The following POC5 variants were observed in gnomAD, a reference collection of about 807,000 sequenced individuals.
The protein encoded by POC5 is POC5 centriolar protein, also known as centrosomal protein POC5.
In POC5, 48 loss-of-function variants were observed where a neutral mutation model predicts 62.9. The ratio of observed to expected loss-of-function variants is 0.76; its 90% confidence interval spans 0.61 to 0.97. The LOEUF (loss-of-function observed/expected upper bound fraction) is 0.97. Among genes scored for constraint, POC5 ranks in the 50% least tolerant of loss-of-function variants. The pLI is 0.00. For synonymous variants in POC5, 236 were observed against 228.2 expected (o/e 1.03, Z -0.31); for missense variants, 696 against 679.5 (o/e 1.02, Z -0.27).
Position 75,685,429 on chromosome 5 carries a change from T to C in POC5, c.1185A>G (p.Lys395=). Residue 395 remains lysine, a synonymous_variant, in exon 10 of 12, where the codon AAA becomes AAG. Coordinates refer to ENST00000428202, the MANE Select transcript of POC5 (RefSeq NM_001099271.2). ...AAGGATCCAAATGAGCAGAATGTTC[T>C]TTTCCTTGAACACCAGGACCATACT... ...KEEYGPGVQG[K]EHSAHLDPSA... is the part of the protein sequence containing the mutation. 3 of 1,613,792 alleles carry C rather than the reference T, an allele frequency of 1.9e-6. No individual in the cohort carries two copies. The highest frequency in any genetic ancestry group is 2.2e-5 in the East Asian group (1 of 44,864).
At chr5:75,681,851 T>G (rs945169852) in intron 10 of POC5, among the ~76,000 whole-genome samples, 3 of 152,188 alleles carry the variant, frequency 2.0e-5, no homozygotes, top group African/African-American at 7.2e-5. Context: ...AATCTCTCTC[T>G]TCTTTTCCTA....
chr5:75,702,547 A>G, intron 5 of POC5, 58 bp downstream of exon 5: 2 of 1,477,644 alleles, frequency 1.4e-6, no homozygotes, highest in Non-Finnish European at 1.8e-6. Flanking sequence ...TATAAATGAG[A>G]GTAAAACTAT....
At chr5:75,687,145 C>T (rs1380777821) in intron 9 of POC5, among the ~76,000 whole-genome samples, 1 of 152,092 alleles carries the variant, frequency 6.6e-6, no homozygotes, top group African/African-American at 2.4e-5. Flanking sequence ...ATTCTTCTGC[C>T]TCAGCCTCCT....
intron 5 of POC5, 145 bp from the exon 6 acceptor site, chr5:75,694,976 A>C: frequency 1.7e-6 from 1 of 597,726 alleles, no homozygotes; most frequent in East Asian, 3.1e-5. Flanking sequence ...TTAATGAAAA[A>C]CATATGTAAG....
chr5:75,690,314 A>T, intron 8 of POC5, 69 bp downstream of exon 8: 1 of 1,357,632 alleles, frequency 7.4e-7, no homozygotes, highest in Non-Finnish European at 9.9e-7. Context: ...GAAGTCTATT[A>T]ATTAATAGTG....
chr5:75,706,242 A>C (rs1580056479), intron 3 of POC5, among the ~76,000 whole-genome samples: 2 of 152,208 alleles, frequency 1.3e-5, no homozygotes, highest in South Asian at 4.1e-4. Context: ...GGAAACTGGG[A>C]AAAACCTCTC....
rs1393849630 is a variant in POC5, at chr5:75,694,777, G to A, written c.568C>T (p.Arg190Ter). ...KWRLNFIDWH[R>*]MEMRKEKEKH... ...TCTTTCTCTTTTCTCATTTCCATTC[G>A]GTGCCAGTCAATAAAATTAAGTCTC... The change falls in exon 6 of 12, where the codon CGA (arginine) becomes TGA (stop). Residue 190 changes from arginine to a stop codon, truncating the protein, a stop_gained. Transcript: ENST00000428202. LOFTEE classifies it high-confidence loss of function. 5.1e-6 allele frequency: 8 copies of A among 1,578,732 alleles called. No individual in the cohort carries two copies. The highest frequency in any genetic ancestry group is 1.4e-5 in the African/African-American group (1 of 73,816).
chr5:75,687,314 G>T (rs1258121855), intron 9 of POC5, among the ~76,000 whole-genome samples: 2 of 152,172 alleles, frequency 1.3e-5, no homozygotes, highest in African/African-American at 4.8e-5. Context: ...ACAGGTGTGA[G>T]CGACCGCGCC....
At chr5:75,707,021 G>A (rs888283166) in intron 3 of POC5, among the ~76,000 whole-genome samples, 8 of 152,196 alleles carry the variant, frequency 5.3e-5, no homozygotes, top group Non-Finnish European at 1.2e-4. Flanking sequence ...TATGTCATGC[G>A]CCTTCAAGGA....
intron 10 of POC5, among the ~76,000 whole-genome samples, chr5:75,678,801 A>G (rs1408650095): frequency 6.6e-6 from 1 of 152,190 alleles, no homozygotes; most frequent in Non-Finnish European, 1.5e-5. Context: ...AAAAAGTATT[A>G]TCAGCTTTTA....
intron 8 of POC5, among the ~76,000 whole-genome samples, 161 bp downstream of exon 8, chr5:75,690,222 G>C (rs751351705): frequency 6.6e-6 from 1 of 152,128 alleles, no homozygotes; most frequent in Non-Finnish European, 1.5e-5. Flanking sequence ...AACCATGTAA[G>C]AATATACAAT....
rs67570751 is a variant in POC5, at chr5:75,678,609, C to CTT, written c.1408-661_1408-660dup. 1.8e-4 allele frequency among the ~76,000 whole-genome samples: 27 copies of CTT among 151,786 alleles called. No homozygotes were observed. In the South Asian group the frequency reaches 4.8e-3, roughly 27 times the overall value. The stretch of plus-strand genomic sequence containing the variant: ...TTTTCCTTCTCATTTTATTAATATA[C>CTT]TTTTTTTTACGAGGTAATACAGAGA... On this transcript the variant is annotated intron_variant, in intron 10 of 11. Coordinates refer to ENST00000428202, the MANE Select transcript of POC5 (RefSeq NM_001099271.2).
chr5:75,682,161 G>T (rs896927186), intron 10 of POC5, among the ~76,000 whole-genome samples: 2 of 152,048 alleles, frequency 1.3e-5, no homozygotes, highest in Non-Finnish European at 2.9e-5. Flanking sequence ...AGAATATTAT[G>T]GTTTTCAGGT....
In POC5 at chr5:75,677,834, T is replaced by C. The variant is rs1208360656; in HGVS notation, c.1524A>G (p.Ile508Met). 6.2e-7 allele frequency: 1 copy of C among 1,612,870 alleles called. No individual in the cohort carries two copies. Among genetic ancestry groups the C allele is most frequent in the Admixed American group, 1.7e-5 (1 of 59,886 alleles). ...AGCTCATGGGAGGAGAAACTCCCAT[T>C]ATAGCTAAACTGCTGCTAATTCTAT... ...SKNRISSSLA[I>M]MGVSPPMSSV... Residue 508 changes from isoleucine to methionine, a missense_variant, in exon 11 of 12, where the codon ATA becomes ATG. By Grantham distance (10) the Ile-to-Met change is conservative (BLOSUM62 1). Transcript: ENST00000428202.
chr5:75,707,418 T>A (rs1471843252), intron 3 of POC5: 1 of 196,136 alleles, frequency 5.1e-6, no homozygotes, highest in African/African-American at 2.3e-5. Context: ...AGTTTTCAGG[T>A]TAATCCTGGC....
At chr5:75,683,106 C>A (rs972319358) in intron 10 of POC5, among the ~76,000 whole-genome samples, 9 of 152,148 alleles carry the variant, frequency 5.9e-5, no homozygotes, top group African/African-American at 2.2e-4. Context: ...CCTCTTCTTT[C>A]CTCTTATGTA....
intron 11 of POC5, among the ~76,000 whole-genome samples, chr5:75,676,301 T>A (rs2112062768): frequency 6.6e-6 from 1 of 152,362 alleles, no homozygotes; most frequent in South Asian, 2.1e-4. Context: ...TCATTTTTGA[T>A]AACTTGTCTT....
At chr5:75,713,723 G>C (rs1777440717) in intron 1 of POC5, among the ~76,000 whole-genome samples, 1 of 152,214 alleles carries the variant, frequency 6.6e-6, no homozygotes, top group South Asian at 2.1e-4. Context: ...AGGAGGCACA[G>C]AAAGTTTTTA....
chr5:75,709,970 G>A (rs1426516517), intron 2 of POC5, among the ~76,000 whole-genome samples: 2 of 152,164 alleles, frequency 1.3e-5, no homozygotes, highest in African/African-American at 4.8e-5. Context: ...CAAGAGACCT[G>A]GTCTATGGGA....
Sources: gnomAD v4.1 joint callset for allele counts (sites outside exome capture counted in the v4.1 genomes callset) on GRCh38, gnomAD v4.1.1 for gene constraint, MANE v1.5 for transcripts, NCBI Gene and HGNC (gene_info 2026-07-23, HGNC 2026-07-21) for gene names.